Variants in CDH18 observed in about 807,000 individuals in gnomAD.
CDH18 encodes cadherin 18.
In CDH18, 31 loss-of-function variants were observed where a neutral mutation model predicts 67.9. That is an observed-to-expected ratio of 0.46 (90% confidence interval 0.34 to 0.62). CDH18 has a LOEUF of 0.62. Among genes scored for constraint, CDH18 ranks in the 20% least tolerant of loss-of-function variants. The pLI is 0.01. For missense variants in CDH18, 890 were observed against 975.5 expected, an observed-to-expected ratio of 0.91 and a Z score of 1.17; for synonymous variants, 362 against 347.2, an observed-to-expected ratio of 1.04 and a Z score of -0.48.
chr5:20,331,812 T>C (rs538567760), intron 1 of CDH18, among the ~76,000 whole-genome samples: 1 of 152,324 alleles, frequency 6.6e-6, no homozygotes, highest in South Asian at 2.1e-4. Context: ...GTTCAGGCTA[T>C]TTCGTGCCCA....
intron 1 of CDH18, among the ~76,000 whole-genome samples, chr5:20,415,066 T>A (rs1399478983): frequency 1.3e-5 from 2 of 152,286 alleles, no homozygotes; most frequent in East Asian, 3.9e-4. Context: ...GCAGCCAAGA[T>A]GTGGTAACAA....
At chr5:20,004,675 C>T (rs977673887) in intron 2 of CDH18, among the ~76,000 whole-genome samples, 3 of 152,156 alleles carry the variant, frequency 2.0e-5, no homozygotes, top group Non-Finnish European at 4.4e-5. Flanking sequence ...AGATGTCAAA[C>T]CTTTATAAAT....
chr5:19,720,050 C>T (rs2150573015), intron 5 of CDH18, among the ~76,000 whole-genome samples: 1 of 152,026 alleles, frequency 6.6e-6, no homozygotes, highest in East Asian at 1.9e-4. Context: ...GGCAAGTGAC[C>T]CAATCAAATC....
At chr5:20,201,495 G>GTT (rs149554399) in intron 2 of CDH18, among the ~76,000 whole-genome samples, 61 of 150,092 alleles carry the variant, frequency 4.1e-4, no homozygotes, top group African/African-American at 1.4e-3. Context: ...AGAGTGAAGT[G>GTT]TTTTTTTTTG....
At chr5:20,239,332 T>C (rs2126538070) in intron 2 of CDH18, among the ~76,000 whole-genome samples, 1 of 152,234 alleles carries the variant, frequency 6.6e-6, no homozygotes, top group East Asian at 1.9e-4. Context: ...GGCGGATGCC[T>C]GTAGTCCCAG....
At chr5:20,405,504 T>C (rs1247663964) in intron 1 of CDH18, among the ~76,000 whole-genome samples, 1 of 152,130 alleles carries the variant, frequency 6.6e-6, no homozygotes, top group Non-Finnish European at 1.5e-5. Flanking sequence ...ACCTAGGCAA[T>C]ACCATTCAGG....
intron 2 of CDH18, among the ~76,000 whole-genome samples, chr5:20,095,117 G>A (rs1166533241): frequency 6.6e-6 from 1 of 151,736 alleles, no homozygotes; most frequent in Admixed American, 6.6e-5. Flanking sequence ...AGAACATATG[G>A]GCACAGGGAG....
At chr5:20,540,682 G>T (rs2126587348) in intron 1 of CDH18, among the ~76,000 whole-genome samples, 1 of 152,306 alleles carries the variant, frequency 6.6e-6, no homozygotes. Context: ...AGCACATCTA[G>T]ATGTTGTCAT....
intron 1 of CDH18, among the ~76,000 whole-genome samples, chr5:20,425,420 AAAAG>A (rs1323750990): frequency 3.3e-5 from 5 of 150,996 alleles, no homozygotes; most frequent in African/African-American, 4.9e-5. Context: ...AAAAACAAAA[AAAAG>A]AAAGAAAAGA....
In CDH18 at chr5:19,572,494, T is replaced by G. The variant is rs569255564; in HGVS notation, c.1000-662A>C. On this transcript the variant is annotated intron_variant, in intron 7 of 12. Coordinates refer to ENST00000382275, the MANE Select transcript of CDH18 (RefSeq NM_004934.5). Reference sequence around the variant, plus strand: ...GAGGCATTGTCCTTTACATTAAGGGTCAATATCATAGTCAATTCAGGTTGC... The same window carrying G: ...GAGGCATTGTCCTTTACATTAAGGGGCAATATCATAGTCAATTCAGGTTGC... 2.6e-5 allele frequency among the ~76,000 whole-genome samples: 4 copies of G among 152,226 alleles called. No homozygotes were observed. The South Asian group carries it at 6.2e-4, about 24-fold the overall frequency.
At chr5:20,003,448 G>T (rs1420426173) in intron 2 of CDH18, among the ~76,000 whole-genome samples, 1 of 151,812 alleles carries the variant, frequency 6.6e-6, no homozygotes, top group Non-Finnish European at 1.5e-5. Flanking sequence ...CTTCAAATGG[G>T]CAAATGTCTC....
chr5:20,405,493 A>T (rs1746163232), intron 1 of CDH18, among the ~76,000 whole-genome samples: 1 of 152,212 alleles, frequency 6.6e-6, no homozygotes, highest in East Asian at 1.9e-4. Context: ...CTGAGAAGAA[A>T]ACCTAGGCAA....
intron 1 of CDH18, among the ~76,000 whole-genome samples, chr5:20,517,115 T>C (rs1268194457): frequency 1.3e-5 from 2 of 151,962 alleles, no homozygotes; most frequent in African/African-American, 4.8e-5. Context: ...TTTAGTCTGA[T>C]GATTGCTTCA....
intron 1 of CDH18, chr5:20,331,504 T>C (rs898313515): frequency 1.2e-4 from 18 of 152,200 alleles, no homozygotes; most frequent in African/African-American, 4.3e-4. Context: ...AAATAGATTT[T>C]TTTTGAAAGT....
rs190181695 is a variant in CDH18 at position 19,953,654 on chromosome 5, G to A, written c.-257+27406C>T. 2.2e-3 allele frequency among the ~76,000 whole-genome samples: 332 copies of A among 152,084 alleles called. 3 individuals carry two copies. The highest frequency in any genetic ancestry group is 0.018 in the Admixed American group (280 of 15,268). On this transcript the variant is annotated intron_variant, in intron 2 of 12. Transcript: ENST00000382275. ...ATCCATTTTGTGGTGTATCTTTAGC[G>A]TTGACATAATGATATATAGTTTGTT...
intron 3 of CDH18, among the ~76,000 whole-genome samples, chr5:19,833,633 TTCAATATGATATTGGA>T (rs1426772468): frequency 6.6e-6 from 1 of 152,164 alleles, no homozygotes. Context: ...CTTTTGCTCA[TTCAATATGATATTGGA>T]TGTGGGTTTG....
chr5:19,896,127 C>T (rs149829865), intron 2 of CDH18, among the ~76,000 whole-genome samples: 4,975 of 152,066 alleles, frequency 0.033, 251 homozygotes, highest in African/African-American at 0.1. Context: ...GAGGCCAATG[C>T]GGGCAGATCA....
intron 1 of CDH18, among the ~76,000 whole-genome samples, chr5:20,384,877 T>C (rs1744189208): frequency 6.6e-6 from 1 of 152,126 alleles, no homozygotes; most frequent in East Asian, 1.9e-4. Context: ...CACTCTGCCA[T>C]CCAGGCTGGA....
intron 2 of CDH18, among the ~76,000 whole-genome samples, chr5:20,200,111 T>C (rs1739329704): frequency 6.6e-6 from 1 of 152,206 alleles, no homozygotes; most frequent in Non-Finnish European, 1.5e-5. Flanking sequence ...GTCAAATATT[T>C]CATTAAATCC....
Sources: gnomAD v4.1 joint callset for allele counts (sites outside exome capture counted in the v4.1 genomes callset) on GRCh38, gnomAD v4.1.1 for gene constraint, MANE v1.5 for transcripts, NCBI Gene and HGNC (gene_info 2026-07-23, HGNC 2026-07-21) for gene names.